Variants in ROCK2 observed in about 807,000 individuals in gnomAD.
ROCK2 encodes Rho associated coiled-coil containing protein kinase 2, also known as rho-associated protein kinase 2.
ROCK2 carries 61 observed loss-of-function variants against 195.1 expected under a neutral mutation model. The ratio of observed to expected loss-of-function variants is 0.31; its 90% CI spans 0.25 to 0.39. ROCK2 has a LOEUF of 0.39. Among genes scored for constraint, ROCK2 ranks in the 10% least tolerant of loss-of-function variants. The probability of loss-of-function intolerance (pLI) is 1.00; values close to 1 mark genes in which losing one functional copy is unlikely to be tolerated. For synonymous variants in ROCK2, 504 were observed against 545.5 expected (o/e 0.92, Z 1.06); for missense variants, 1,109 against 1,637.4 (o/e 0.68, Z 5.57).
intron 5 of ROCK2, among the ~76,000 whole-genome samples, chr2:11,232,198 G>A (rs919688481): frequency 7.9e-5 from 12 of 151,354 alleles, no homozygotes; most frequent in African/African-American, 1.7e-4. Flanking sequence ...GCACGATCTC[G>A]GCTCACTGCA....
At chr2:11,224,075 A>ACGTT (rs1664728438) in intron 7 of ROCK2, among the ~76,000 whole-genome samples, 1 of 152,148 alleles carries the variant, frequency 6.6e-6, no homozygotes, top group African/African-American at 2.4e-5. Context: ...TTGTTTTACC[A>ACGTT]CGTTCTATTT....
In ROCK2 at chr2:11,232,001, G is replaced by A. The variant is rs372919135; in HGVS notation, c.723+3701C>T. On this transcript the variant is annotated intron_variant, in intron 5 of 32. Coordinates refer to ENST00000315872, the MANE Select transcript of ROCK2 (RefSeq NM_004850.5). Reference sequence around the variant, plus strand: ...GCTTTGTGGGCCACACAGGGTCTCCGTCACATATTTTTCTTCTTTTTTTTA... The same window carrying A: ...GCTTTGTGGGCCACACAGGGTCTCCATCACATATTTTTCTTCTTTTTTTTA... 1.9e-4 allele frequency among the ~76,000 whole-genome samples: 29 copies of A among 152,102 alleles called. No homozygotes were observed. The East Asian group carries it at 5.0e-3, about 26-fold the overall frequency.
intron 18 of ROCK2, among the ~76,000 whole-genome samples, chr2:11,210,324 CTT>C (rs755433244): frequency 1.2e-4 from 17 of 143,626 alleles, no homozygotes; most frequent in African/African-American, 7.6e-5. Flanking sequence ...GAAAATAGTC[CTT>C]TTTTTTTTTT....
At chr2:11,200,810 G>A (rs147470930) in intron 23 of ROCK2, 147 bp downstream of exon 23, 1 of 591,478 alleles carries the variant, frequency 1.7e-6, no homozygotes, top group East Asian at 3.1e-5. Flanking sequence ...TGACAACATT[G>A]AGAAGGTGGC....
chr2:11,312,092 C>T (rs1019052361), intron 1 of ROCK2, among the ~76,000 whole-genome samples: 3 of 152,164 alleles, frequency 2.0e-5, no homozygotes. Flanking sequence ...TGCCACTCTT[C>T]TCACTAAACT....
chr2:11,234,171 C>T (rs1665122454), intron 5 of ROCK2: 2 of 151,164 alleles, frequency 1.3e-5, no homozygotes, highest in Non-Finnish European at 3.0e-5. Context: ...TTTTACTTTG[C>T]CTTATAAAGA....
At chr2:11,250,250 T>C (rs114349533) in intron 3 of ROCK2, among the ~76,000 whole-genome samples, 155 of 152,320 alleles carry the variant, frequency 1.0e-3, no homozygotes, top group African/African-American at 3.6e-3. Context: ...AAGGGATACC[T>C]ATGATTTTGT....
chr2:11,246,582 G>A (rs910968914), intron 4 of ROCK2, among the ~76,000 whole-genome samples: 4 of 152,008 alleles, frequency 2.6e-5, no homozygotes, highest in Non-Finnish European at 4.4e-5. Flanking sequence ...TTTAAAATAT[G>A]TCAATATTTA....
intron 3 of ROCK2, among the ~76,000 whole-genome samples, chr2:11,282,078 C>T (rs959372963): frequency 6.6e-6 from 1 of 152,180 alleles, no homozygotes; most frequent in African/African-American, 2.4e-5. Flanking sequence ...CAGTCAGGTG[C>T]AGTGGCTCGC....
chr2:11,329,511 A>G (rs1048142329), intron 1 of ROCK2, among the ~76,000 whole-genome samples: 2 of 151,164 alleles, frequency 1.3e-5, no homozygotes, highest in East Asian at 1.9e-4. Flanking sequence ...ATTCACTGTT[A>G]TATTTTATGA....
chr2:11,183,946 CTGATT>C (rs1663099613), intron 32 of ROCK2, among the ~76,000 whole-genome samples: 1 of 146,246 alleles, frequency 6.8e-6, no homozygotes, highest in Non-Finnish European at 1.5e-5. Flanking sequence ...CCAGTACTAC[CTGATT>C]TATGTTTTGC....
intron 1 of ROCK2, among the ~76,000 whole-genome samples, chr2:11,317,587 TATATATATATATATATATATATATA>T (rs1558388149): frequency 3.2e-4 from 4 of 12,448 alleles, no homozygotes; most frequent in African/African-American, 8.0e-4. Context: ...TATATATATA[TATATATATATATATATATATATATA>T]TTTTTTTTTT....
intron 1 of ROCK2, among the ~76,000 whole-genome samples, chr2:11,328,575 G>A (rs973763058): frequency 2.6e-5 from 4 of 152,140 alleles, no homozygotes; most frequent in African/African-American, 9.7e-5. Flanking sequence ...TAGCTTTTCT[G>A]ACTCCAAATC....
intron 3 of ROCK2, among the ~76,000 whole-genome samples, chr2:11,267,395 T>A (rs1475022197): frequency 6.6e-6 from 1 of 152,056 alleles, no homozygotes; most frequent in Non-Finnish European, 1.5e-5. Flanking sequence ...CTACTATATA[T>A]TTTCCCTATC....
intron 5 of ROCK2, among the ~76,000 whole-genome samples, chr2:11,230,330 A>G (rs1408433860): frequency 1.3e-5 from 2 of 152,196 alleles, no homozygotes; most frequent in African/African-American, 4.8e-5. Flanking sequence ...ATATGTGGAA[A>G]GGACAAAGAA....
intron 3 of ROCK2, among the ~76,000 whole-genome samples, chr2:11,253,454 G>T (rs1052482270): frequency 1.3e-5 from 2 of 152,186 alleles, no homozygotes; most frequent in Non-Finnish European, 2.9e-5. Flanking sequence ...ACTCCTCAAA[G>T]AGGTCTTCTC....
intron 18 of ROCK2, among the ~76,000 whole-genome samples, chr2:11,210,924 T>C (rs1423874860): frequency 6.6e-6 from 1 of 152,194 alleles, no homozygotes; most frequent in Non-Finnish European, 1.5e-5. Flanking sequence ...ATGCAATAAT[T>C]AAAAGGCTAT....
rs185767107 is a variant in ROCK2, at chr2:11,224,220, T to A, written c.1007+102A>T. The A allele has an allele frequency of 2.4e-3, 2,700 of 1,127,966 alleles. 5 individuals are homozygous for A. Among genetic ancestry groups the A allele is most frequent in the Non-Finnish European group, 3.2e-3 (2,542 of 790,252 alleles). 69.9% of individuals were successfully genotyped at this position (1,127,966 alleles called of 1,614,324 possible). On this transcript the variant is annotated intron_variant, in intron 7 of 32. Transcript: ENST00000315872. The stretch of plus-strand genomic sequence containing the variant: ...CCAGAATTAGATGCTACTTGGGTAA[T>A]GAGAGGCAGACTGATTTCATATGTT...
At position 11,192,681 on chromosome 2, in the gene ROCK2, T is replaced by C. The variant is rs866465002; in HGVS notation, c.3719A>G (p.Lys1240Arg). ...TGGCTCCACTGGAAATTCTTGTTCC[T>C]TCTTACTTTCTCCTTCATTGGCATA... ...ILYANEGESK[K>R]EQEFPVEPVG... The change falls in exon 31 of 33, where the codon AAG (lysine) becomes AGG (arginine). Residue 1240 changes from lysine (K) to arginine (R), a missense_variant. Physicochemically the swap from Lys to Arg is conservative, Grantham distance 26. This residue lies in a region of ROCK2 where 221 missense variants were observed against 355.1 expected (regional missense o/e 0.62). Coordinates refer to ENST00000315872, the MANE Select transcript of ROCK2 (RefSeq NM_004850.5). This position sits in a 1 kb window ranked among gnomAD's most constrained non-coding sequence, Gnocchi z 5.0. 1 of 1,613,574 alleles carries C rather than the reference T, an allele frequency of 6.2e-7. No individual in the cohort carries two copies. Among genetic ancestry groups the C allele is most frequent in the Middle Eastern group, 1.7e-4 (1 of 5,750 alleles).
Sources: gnomAD v4.1 joint callset for allele counts (sites outside exome capture counted in the v4.1 genomes callset) on GRCh38, gnomAD v4.1.1 for gene constraint, gnomAD v4.1.1 regional missense constraint, Gnocchi (gnomAD v3.1) non-coding constraint, MANE v1.5 for transcripts, NCBI Gene and HGNC (gene_info 2026-07-23, HGNC 2026-07-21) for gene names.